COL17A1: variants seen among roughly 807,000 people sequenced by gnomAD.
COL17A1 encodes the protein collagen alpha-1(XVII) chain.
In COL17A1, 181 loss-of-function variants were observed where a neutral mutation model predicts 218.4. The observed-to-expected ratio is 0.83, with a 90% CI of 0.73 to 0.94. The LOEUF (loss-of-function observed/expected upper bound fraction) is 0.94. COL17A1 is among the 40% of genes least tolerant of loss of function. COL17A1 has a pLI of 0.00. For missense variants in COL17A1, 1,924 were observed against 1,945.9 expected (o/e 0.99, Z 0.21); for synonymous variants, 721 against 731.0 (o/e 0.99, Z 0.22).
chr10:104,053,704 C>T (rs1417968645), intron 22 of COL17A1, among the ~76,000 whole-genome samples: 1 of 152,112 alleles, frequency 6.6e-6, no homozygotes, highest in Non-Finnish European at 1.5e-5. Flanking sequence ...TCGTGCATCA[C>T]CCGTAAACTG....
rs192048445 is a variant in COL17A1 at position 104,055,815 on chromosome 10, C to A, written c.1654G>T (p.Val552Leu). Residue 552 changes from valine (V) to leucine (L), a missense_variant, in exon 18 of 56, where the codon GTG (valine) becomes TTG (leucine). Transcript: ENST00000648076. The stretch of plus-strand genomic sequence containing the variant: ...TGTTCCATCATTAGCTTCTTCCTCA[C>A]GAACATCCAGAGCTCCTCCTGGCTG... Reference protein sequence around the residue: ...SDSQEELWMFVRKKLMMEQEN... With the variant: ...SDSQEELWMFLRKKLMMEQEN... 195 of 1,614,182 alleles carry A rather than the reference C, an allele frequency of 1.2e-4. No individual in the cohort carries two copies. The highest frequency in any genetic ancestry group is 1.6e-4 in the Non-Finnish European group (187 of 1,180,030).
At chr10:104,071,967 C>A in intron 8 of COL17A1, 65 bp downstream of exon 8, 1 of 1,611,742 alleles carries the variant, frequency 6.2e-7, no homozygotes, top group Non-Finnish European at 8.5e-7. Context: ...CACACACACA[C>A]ACACACACAG....
chr10:104,046,611 T>C, intron 32 of COL17A1, 136 bp downstream of exon 32: 1 of 814,288 alleles, frequency 1.2e-6, no homozygotes, highest in Non-Finnish European at 2.1e-6. Context: ...TTCTCACGAC[T>C]CATAGTGAAA....
chr10:104,045,661 C>T, intron 33 of COL17A1, 97 bp downstream of exon 33: 1 of 1,047,562 alleles, frequency 9.5e-7, no homozygotes, highest in South Asian at 1.3e-5. Context: ...ACTGTTGATC[C>T]AGGCTCTGGC....
Position 104,042,447 on chromosome 10 carries a change from C to T in COL17A1, c.2524G>A (p.Gly842Ser), listed in dbSNP as rs535010485. 2.9e-5 allele frequency: 47 copies of T among 1,614,166 alleles called. No individual in the cohort carries two copies. The highest frequency in any genetic ancestry group is 1.7e-4 in the Middle Eastern group (1 of 6,060). The change falls in exon 36 of 56, where the codon GGC (glycine) becomes AGC (serine). Residue 842 changes from glycine to serine, a missense_variant. Physicochemically the swap from Gly to Ser is moderately conservative, Grantham distance 56. Coordinates refer to ENST00000648076, the MANE Select transcript of COL17A1 (RefSeq NM_000494.4). ...TGATGTCCTGGGAGACCAGCTGGGC[C>T]GGCAGGGCCTGGAAACGGGGTTGAG... ...PGPPGAPGPA[G>S]PAGLPGHQEV... is the part of the protein sequence containing the mutation.
At chr10:104,047,463 T>G (rs1432846001) in intron 31 of COL17A1, among the ~76,000 whole-genome samples, 1 of 152,158 alleles carries the variant, frequency 6.6e-6, no homozygotes, top group Non-Finnish European at 1.5e-5. Flanking sequence ...ATTGCCAGAC[T>G]TAGTTACCCA....
intron 10 of COL17A1, 64 bp from the exon 11 acceptor site, chr10:104,063,882 G>A: frequency 6.2e-7 from 1 of 1,606,752 alleles, no homozygotes; most frequent in Non-Finnish European, 8.5e-7. Context: ...TAGAGATTTG[G>A]ATACCACAGA....
Position 104,036,633 on chromosome 10 carries a change from C to G in COL17A1, c.3278-1G>C. 5.6e-6 allele frequency: 9 copies of G among 1,613,760 alleles called. No individual in the cohort carries two copies. Among genetic ancestry groups the G allele is most frequent in the Non-Finnish European group, 6.8e-6 (8 of 1,179,890 alleles). ...CGTAGGTACTGACGCACGTCATCCC[C>G]TGGAGAGGAGAGGATGCACTAGCAG... On this transcript the variant is annotated splice_acceptor_variant, in intron 47 of 55. Transcript: ENST00000648076. LOFTEE classifies it high-confidence loss of function.
In COL17A1 at chr10:104,050,239, T is replaced by G. The variant is rs1174125127; in HGVS notation, c.2129-115A>C. 3.9e-5 allele frequency: 56 copies of G among 1,440,336 alleles called. No homozygotes were observed. In the East Asian group the frequency reaches 1.3e-3, roughly 34 times the overall value. The allele number at this position is 1,440,336 out of a possible 1,614,324, so 89.2% of individuals were successfully genotyped here. A position where few individuals can be genotyped will look rare whatever the true frequency, so the allele number is the denominator to read the frequency against. On this transcript the variant is annotated intron_variant, in intron 27 of 55. Transcript: ENST00000648076. ...AGTTCTCACTGTATCCGTGAACTCC[T>G]GTCAGCGGATGTTGGTGAGGACACA...
chr10:104,059,906 A>C (rs2086566777), intron 14 of COL17A1, among the ~76,000 whole-genome samples, 188 bp from the exon 15 acceptor site: 1 of 152,082 alleles, frequency 6.6e-6, no homozygotes, highest in South Asian at 2.1e-4. Flanking sequence ...TGTCGCCCAA[A>C]TGCCTCTCTG....
rs2274103 is a variant in COL17A1 at position 104,072,184 on chromosome 10, T to C, written c.416-105A>G. 670 of 1,529,452 alleles carry C rather than the reference T, an allele frequency of 4.4e-4. 10 individuals are homozygous for C. The East Asian group carries it at 0.015, about 34-fold the overall frequency. 94.7% of individuals were successfully genotyped at this position (1,529,452 alleles called of 1,614,324 possible). A position where few individuals can be genotyped will look rare whatever the true frequency, so the allele number is the denominator to read the frequency against. On this transcript the variant is annotated intron_variant, in intron 7 of 55. Transcript: ENST00000648076. ...GATGGCCCTTTAGGCTGCTCTGACA[T>C]TTCTGAGCTCTGGAAACAGGAAATC...
chr10:104,031,944 T>C lies in COL17A1; in HGVS notation c.*291A>G. 3 of 499,230 alleles carry C rather than the reference T, an allele frequency of 6.0e-6. 1 individual carries two copies. The South Asian group carries it at 7.3e-5, about 12-fold the overall frequency. 30.9% of individuals were successfully genotyped at this position (499,230 alleles called of 1,614,324 possible). ...GGCTTTCCTAGGCTGGGGCTTGAAC[T>C]AAGTAAAGAAGCCAAGGAGTTCAGA... On this transcript the variant is annotated 3_prime_UTR_variant, in exon 56 of 56. Transcript: ENST00000648076.
At chr10:104,061,243 G>A (rs1255233038) in intron 13 of COL17A1, among the ~76,000 whole-genome samples, 162 bp downstream of exon 13, 2 of 152,170 alleles carry the variant, frequency 1.3e-5, no homozygotes, top group Non-Finnish European at 2.9e-5. Flanking sequence ...ACATCCAAGA[G>A]GCCTTTGGGG....
intron 16 of COL17A1, among the ~76,000 whole-genome samples, chr10:104,057,911 G>A (rs528015430): frequency 2.2e-4 from 34 of 152,236 alleles, no homozygotes; most frequent in African/African-American, 8.2e-4. Context: ...CTGGGGGCGG[G>A]GGGCCTGTTA....
In COL17A1 at chr10:104,055,821, T is replaced by C; in HGVS notation, c.1648A>G (p.Met550Val). The C allele has an allele frequency of 6.2e-7, 1 of 1,614,162 alleles. No individual in the cohort carries two copies. The highest frequency in any genetic ancestry group is 8.5e-7 in the Non-Finnish European group (1 of 1,180,020). ...LHSDSQEELW[M>V]FVRKKLMMEQ... ...ATCATTAGCTTCTTCCTCACGAACA[T>C]CCAGAGCTCCTCCTGGCTGTCACTG... is the stretch of plus-strand genomic sequence containing the variant. The change falls in exon 18 of 56, where the codon ATG (methionine) becomes GTG (valine). Residue 550 changes from methionine to valine, a missense_variant. Physicochemically the swap from Met to Val is conservative, Grantham distance 21. Coordinates refer to ENST00000648076, the MANE Select transcript of COL17A1 (RefSeq NM_000494.4).
intron 29 of COL17A1, 51 bp from the exon 30 acceptor site, chr10:104,048,155 G>C: frequency 6.3e-7 from 1 of 1,595,482 alleles, no homozygotes; most frequent in Non-Finnish European, 8.6e-7. Flanking sequence ...TGATTTCTGC[G>C]ATTCCTCCCT....
intron 51 of COL17A1, 103 bp from the exon 52 acceptor site, chr10:104,034,437 C>G: frequency 1.4e-6 from 2 of 1,470,236 alleles, no homozygotes; most frequent in South Asian, 2.6e-5. Flanking sequence ...CCTGAGAGAC[C>G]AGAAGTGAAC....
At position 104,058,202 on chromosome 10, in the gene COL17A1, A is replaced by G; in HGVS notation, c.1223-12T>C. ...AGTCTTCAGGTCTCCTGAAAGGACA[A>G]ACAGATTGACCTGAGCTTTTAAACT... is the stretch of plus-strand genomic sequence containing the variant. On this transcript the variant is annotated splice_polypyrimidine_tract_variant and intron_variant, in intron 15 of 55. Coordinates refer to ENST00000648076, the MANE Select transcript of COL17A1 (RefSeq NM_000494.4). The G allele has an allele frequency of 6.2e-7, 1 of 1,614,200 alleles. No homozygotes were observed.
intron 11 of COL17A1, among the ~76,000 whole-genome samples, chr10:104,063,060 G>C (rs144624316): frequency 6.6e-6 from 1 of 152,182 alleles, no homozygotes; most frequent in Non-Finnish European, 1.5e-5. Flanking sequence ...TAGTCAACTG[G>C]AGGAAGGTGC....
Sources: allele counts gnomAD v4.1 joint callset (sites outside exome capture counted in the v4.1 genomes callset), GRCh38; gene constraint gnomAD v4.1.1; transcripts MANE v1.5; gene names NCBI Gene and HGNC (gene_info 2026-07-23, HGNC 2026-07-21).